LDB2: variants seen among roughly 807,000 people sequenced by gnomAD.
The protein encoded by LDB2 is LIM domain-binding protein 2.
A neutral mutation model predicts 44.3 loss-of-function variants in LDB2; 12 were observed. That is an observed-to-expected ratio of 0.27 (90% confidence interval 0.17 to 0.44). The LOEUF (loss-of-function observed/expected upper bound fraction) is 0.44, where lower values mean the gene tolerates loss of function less well. LDB2 is among the 20% of genes least tolerant of loss of function. The pLI, the probability that LDB2 is intolerant of heterozygous loss-of-function variation, is 1.00. For synonymous variants in LDB2, 164 were observed against 174.8 expected, an observed-to-expected ratio of 0.94 and a Z score of 0.49; for missense variants, 344 against 473.5, an observed-to-expected ratio of 0.73 and a Z score of 2.54.
chr4:16,823,759 A>G (rs771694416), intron 1 of LDB2, among the ~76,000 whole-genome samples: 24 of 152,218 alleles, frequency 1.6e-4, no homozygotes, highest in Admixed American at 8.5e-4. Context: ...CTAACTTACC[A>G]TCATATCATC....
At chr4:16,528,639 C>A (rs1425241555) in intron 5 of LDB2, among the ~76,000 whole-genome samples, 2 of 152,192 alleles carry the variant, frequency 1.3e-5, no homozygotes, top group African/African-American at 4.8e-5. Flanking sequence ...GGGCAGCAGG[C>A]CTTCAAATTG....
intron 1 of LDB2, among the ~76,000 whole-genome samples, chr4:16,767,577 C>A (rs958345036): frequency 6.6e-6 from 1 of 152,034 alleles, no homozygotes; most frequent in African/African-American, 2.4e-5. Flanking sequence ...CTGTGTGTGG[C>A]GAGTGTTTAG....
At chr4:16,717,276 C>T (rs969293385) in intron 2 of LDB2, among the ~76,000 whole-genome samples, 5 of 152,056 alleles carry the variant, frequency 3.3e-5, no homozygotes, top group African/African-American at 1.2e-4. Context: ...AAGATGACTC[C>T]GCAGGGGAAA....
chr4:16,538,430 A>AAAAAC (rs1267559767), intron 5 of LDB2, among the ~76,000 whole-genome samples: 42 of 152,064 alleles, frequency 2.8e-4, no homozygotes, highest in African/African-American at 8.2e-4. Context: ...AAACAAAAAC[A>AAAAAC]AAAACAAAAC....
chr4:16,847,322 T>C (rs529962316), intron 1 of LDB2, among the ~76,000 whole-genome samples: 32 of 152,178 alleles, frequency 2.1e-4, no homozygotes, highest in Admixed American at 6.5e-5. Context: ...GTCACTTATA[T>C]CCATACTAAT....
intron 1 of LDB2, among the ~76,000 whole-genome samples, chr4:16,781,563 C>T (rs532310970): frequency 6.6e-6 from 1 of 152,232 alleles, no homozygotes; most frequent in South Asian, 2.1e-4. Context: ...ATGTGGGTCA[C>T]TCCTCATACT....
At chr4:16,519,987 A>G (rs753390867) in intron 5 of LDB2, among the ~76,000 whole-genome samples, 4 of 152,064 alleles carry the variant, frequency 2.6e-5, no homozygotes, top group African/African-American at 4.8e-5. Flanking sequence ...GGGTCACTAG[A>G]TAACAATGAA....
intron 2 of LDB2, among the ~76,000 whole-genome samples, chr4:16,676,888 G>C (rs1348497506): frequency 6.6e-6 from 1 of 152,210 alleles, no homozygotes; most frequent in Non-Finnish European, 1.5e-5. Flanking sequence ...AAGCATGGGA[G>C]AGTAGGGCAA....
At chr4:16,841,918 T>C (rs1785966336) in intron 1 of LDB2, among the ~76,000 whole-genome samples, 1 of 152,150 alleles carries the variant, frequency 6.6e-6, no homozygotes, top group South Asian at 2.1e-4. Context: ...TAACACACCG[T>C]AAACTCTTAG....
In LDB2 at chr4:16,872,110, T is replaced by C. The variant is rs888564617; in HGVS notation, c.132+26244A>G. On this transcript the variant is annotated intron_variant, in intron 1 of 7. Transcript: ENST00000304523. ...TATATCTTTCTATTAGTAAAACTTA[T>C]AATAAGCGTATGTATGTATATACAC... Among the ~76,000 whole-genome samples the C allele has an allele frequency of 2.0e-5, 3 of 152,130 alleles. No individual in the cohort carries two copies. In the East Asian group the frequency reaches 5.8e-4, roughly 29 times the overall value.
rs183812597 is a variant in LDB2, at chr4:16,512,119, A to G, written c.616-15T>C. On this transcript the variant is annotated splice_polypyrimidine_tract_variant and intron_variant, in intron 5 of 7. Transcript: ENST00000304523. Reference sequence around the variant, plus strand: ...ATTACACACAACTGCAAGAAGTTCAAAGACATTGGCATTTCACTACTTCAT... The same window carrying G: ...ATTACACACAACTGCAAGAAGTTCAGAGACATTGGCATTTCACTACTTCAT... 4.0e-5 allele frequency: 63 copies of G among 1,593,296 alleles called. No homozygotes were observed. The African/African-American group carries it at 7.1e-4, about 18-fold the overall frequency.
intron 2 of LDB2, among the ~76,000 whole-genome samples, chr4:16,720,970 G>A (rs973607002): frequency 2.0e-5 from 3 of 152,142 alleles, no homozygotes; most frequent in African/African-American, 7.2e-5. Context: ...TGGAATGCAA[G>A]CCCAAGTTCA....
At chr4:16,881,686 G>A (rs1282210474) in intron 1 of LDB2, among the ~76,000 whole-genome samples, 1 of 147,756 alleles carries the variant, frequency 6.8e-6, no homozygotes, top group East Asian at 2.0e-4. Context: ...TGATAAGGAT[G>A]AAATTTTCCA....
intron 6 of LDB2, among the ~76,000 whole-genome samples, chr4:16,510,167 C>A (rs1037412062): frequency 3.9e-5 from 6 of 152,162 alleles, no homozygotes; most frequent in Non-Finnish European, 8.8e-5. Context: ...TATGCCACTT[C>A]TGGTGGACAA....
chr4:16,820,775 G>A lies in LDB2; in HGVS notation c.133-61515C>T, dbSNP rs541164107. 2.4e-4 allele frequency among the ~76,000 whole-genome samples: 36 copies of A among 152,192 alleles called. No individual in the cohort carries two copies. The Middle Eastern group carries it at 0.017, about 72-fold the overall frequency. ...GAGAAAAAAAAACAGAGAACAGAAG[G>A]AAAATAGAGTAAAATTTTTCTGCAC... On this transcript the variant is annotated intron_variant, in intron 1 of 7. Transcript: ENST00000304523.
At chr4:16,634,799 C>T (rs1733091865) in intron 2 of LDB2, among the ~76,000 whole-genome samples, 2 of 152,062 alleles carry the variant, frequency 1.3e-5, no homozygotes, top group African/African-American at 4.8e-5. Context: ...GGGCATATAC[C>T]CAAAGGATTA....
chr4:16,529,962 C>A (rs1729583434), intron 5 of LDB2, among the ~76,000 whole-genome samples: 2 of 152,172 alleles, frequency 1.3e-5, no homozygotes, highest in Non-Finnish European at 2.9e-5. Context: ...TGAGCATATT[C>A]ATTGGAAATG....
chr4:16,558,769 A>G (rs1397428331), intron 5 of LDB2, among the ~76,000 whole-genome samples: 3 of 152,136 alleles, frequency 2.0e-5, no homozygotes, highest in Non-Finnish European at 2.9e-5. Flanking sequence ...CAGATTCACC[A>G]AAGTTGAAAT....
intron 5 of LDB2, among the ~76,000 whole-genome samples, chr4:16,563,065 G>A (rs539888209): frequency 6.6e-6 from 1 of 151,798 alleles, no homozygotes; most frequent in South Asian, 2.1e-4. Context: ...GGGGACTGTT[G>A]TGGGGTGGGG....
Sources: gnomAD v4.1 joint callset for allele counts (sites outside exome capture counted in the v4.1 genomes callset) on GRCh38, gnomAD v4.1.1 for gene constraint, MANE v1.5 for transcripts, NCBI Gene and HGNC (gene_info 2026-07-23, HGNC 2026-07-21) for gene names.